ATF7IP: variants seen among roughly 807,000 people sequenced by gnomAD.
ATF7IP encodes the protein activating transcription factor 7-interacting protein 1.
ATF7IP carries 23 observed loss-of-function variants against 106.4 expected under a neutral mutation model. The ratio of observed to expected loss-of-function variants is 0.22; its 90% CI spans 0.16 to 0.31. The LOEUF is 0.31. Among genes scored for constraint, ATF7IP ranks in the 10% least tolerant of loss-of-function variants. The pLI, the probability that ATF7IP is intolerant of heterozygous loss-of-function variation, is 1.00. For synonymous variants in ATF7IP, 542 were observed against 539.0 expected, an observed-to-expected ratio of 1.01 and a Z score of -0.08; for missense variants, 1,334 against 1,524.3, an observed-to-expected ratio of 0.88 and a Z score of 2.08.
At chr12:14,495,012 A>T (rs1030542686) in intron 13 of ATF7IP, among the ~76,000 whole-genome samples, 1 of 152,136 alleles carries the variant, frequency 6.6e-6, no homozygotes, top group Non-Finnish European at 1.5e-5. Flanking sequence ...CTGAGTCCCA[A>T]AACTGAAGAA....
chr12:14,454,374 C>T (rs1432324122), intron 6 of ATF7IP, among the ~76,000 whole-genome samples: 7 of 152,162 alleles, frequency 4.6e-5, no homozygotes, highest in Non-Finnish European at 1.5e-5. Context: ...AGTTGAGGGT[C>T]CTGCCTTTGG....
chr12:14,404,099 A>G (rs954480004), intron 1 of ATF7IP, among the ~76,000 whole-genome samples: 1 of 150,678 alleles, frequency 6.6e-6, no homozygotes, highest in African/African-American at 2.4e-5. Context: ...CAGGAAGACA[A>G]TATGGGCATC....
chr12:14,393,327 T>A (rs1939673832), intron 1 of ATF7IP, among the ~76,000 whole-genome samples: 1 of 152,296 alleles, frequency 6.6e-6, no homozygotes, highest in South Asian at 2.1e-4. Flanking sequence ...TCTCAACTCA[T>A]ATTTTATGAT....
In ATF7IP at chr12:14,501,691, A is replaced by C. The variant is rs191728921; in HGVS notation, c.*3618A>C. ...TTTGCCTCACAGAGAGGTGTTCCCC[A>C]CTCCCATCCCCATTGCCAGATAATA... On this transcript the variant is annotated 3_prime_UTR_variant, in exon 15 of 15. Transcript: ENST00000261168. 1 of 152,156 alleles carries C rather than the reference A, an allele frequency of 6.6e-6. No homozygotes were observed. Among genetic ancestry groups the C allele is most frequent in the Admixed American group, 6.6e-5 (1 of 15,266 alleles). The allele number at this position is 152,156 out of a possible 1,614,324, so 9.4% of individuals were successfully genotyped here.
At chr12:14,492,914 C>T (rs1012194517) in intron 13 of ATF7IP, among the ~76,000 whole-genome samples, 1 of 152,164 alleles carries the variant, frequency 6.6e-6, no homozygotes, top group Non-Finnish European at 1.5e-5. Flanking sequence ...AAATCTGTTT[C>T]GCAAGGCATT....
intron 10 of ATF7IP, 99 bp from the exon 11 acceptor site, chr12:14,475,790 GT>G: frequency 1.2e-6 from 1 of 831,454 alleles, no homozygotes; most frequent in East Asian, 2.7e-5. Context: ...ATTGAACCAG[GT>G]TACTCATTAG....
chr12:14,424,644 A>T lies in ATF7IP; in HGVS notation c.729A>T (p.Ala243=). The part of the protein sequence containing the change: ...EITSVDLASG[A]PASTDPASDD... ...CTTCTGTTGATCTGGCTTCTGGAGC[A>T]CCAGCTTCCACTGATCCAGCCTCTG... is the stretch of plus-strand genomic sequence containing the variant. Residue 243 remains alanine (A), a synonymous_variant, in exon 2 of 15, where the codon GCA becomes GCT. Transcript: ENST00000261168. 1.2e-6 allele frequency: 2 copies of T among 1,613,408 alleles called. No individual in the cohort carries two copies. The highest frequency in any genetic ancestry group is 1.7e-6 in the Non-Finnish European group (2 of 1,179,856).
intron 3 of ATF7IP, 131 bp from the exon 4 acceptor site, chr12:14,435,975 A>C (rs1327095584): frequency 2.2e-6 from 2 of 899,254 alleles, no homozygotes; most frequent in East Asian, 2.9e-5. Flanking sequence ...TAAGATCTCC[A>C]AAACAGTTTA....
At chr12:14,400,568 G>T (rs1018495619) in intron 1 of ATF7IP, among the ~76,000 whole-genome samples, 7 of 151,644 alleles carry the variant, frequency 4.6e-5, no homozygotes, top group Admixed American at 6.6e-5. Context: ...ATTTCTCAGA[G>T]ATTTTTTTTT....
At chr12:14,421,601 G>T (rs977342722) in intron 1 of ATF7IP, among the ~76,000 whole-genome samples, 12 of 152,180 alleles carry the variant, frequency 7.9e-5, no homozygotes, top group Admixed American at 7.2e-4. Flanking sequence ...ATTGGATTAG[G>T]GCTCACTTTA....
At chr12:14,465,193 G>A (rs1943783718) in intron 9 of ATF7IP, among the ~76,000 whole-genome samples, 1 of 151,736 alleles carries the variant, frequency 6.6e-6, no homozygotes, top group Admixed American at 6.6e-5. Flanking sequence ...TCGCCTGGGT[G>A]ACAGCAAGAC....
intron 1 of ATF7IP, among the ~76,000 whole-genome samples, chr12:14,370,684 C>G (rs1216511446): frequency 6.6e-6 from 1 of 151,948 alleles, no homozygotes; most frequent in Non-Finnish European, 1.5e-5. Flanking sequence ...TTTGTGGTAT[C>G]TGTGACTTTT....
chr12:14,438,641 A>G (rs1431082515), intron 5 of ATF7IP, among the ~76,000 whole-genome samples: 3 of 152,148 alleles, frequency 2.0e-5, no homozygotes, highest in African/African-American at 4.8e-5. Flanking sequence ...TTATCTTTAC[A>G]TGGTGTTGTC....
chr12:14,490,609 C>T (rs888643060), intron 13 of ATF7IP, among the ~76,000 whole-genome samples: 6 of 152,034 alleles, frequency 3.9e-5, no homozygotes, highest in Non-Finnish European at 7.4e-5. Context: ...GCCGGTGGTG[C>T]CTGCATATGG....
intron 1 of ATF7IP, among the ~76,000 whole-genome samples, chr12:14,382,294 G>C (rs1185240330): frequency 6.6e-6 from 1 of 152,160 alleles, no homozygotes; most frequent in Non-Finnish European, 1.5e-5. Context: ...ATTAGAAATT[G>C]GTTGCAAGTG....
At chr12:14,469,601 C>G (rs1380990547) in intron 10 of ATF7IP, among the ~76,000 whole-genome samples, 1 of 151,706 alleles carries the variant, frequency 6.6e-6, no homozygotes, top group African/African-American at 2.4e-5. Context: ...CAAATTTATT[C>G]AAATTATCAA....
intron 6 of ATF7IP, among the ~76,000 whole-genome samples, chr12:14,453,698 C>A (rs1234281566): frequency 6.6e-6 from 1 of 151,970 alleles, no homozygotes; most frequent in Non-Finnish European, 1.5e-5. Context: ...AATCTCCACT[C>A]ACTGCAACCT....
chr12:14,491,567 C>G (rs187339265), intron 13 of ATF7IP, among the ~76,000 whole-genome samples: 5 of 152,268 alleles, frequency 3.3e-5, no homozygotes, highest in African/African-American at 1.2e-4. Context: ...TGGTATCTTG[C>G]AGGAGCAAAA....
intron 1 of ATF7IP, chr12:14,419,959 T>G (rs183370329): frequency 3.3e-5 from 5 of 152,238 alleles, no homozygotes; most frequent in African/African-American, 4.8e-5. Context: ...AGAAATTCTC[T>G]GACAAAGTGC....
Sources: gnomAD v4.1 joint callset for allele counts (sites outside exome capture counted in the v4.1 genomes callset) on GRCh38, gnomAD v4.1.1 for gene constraint, MANE v1.5 for transcripts, NCBI Gene and HGNC (gene_info 2026-07-23, HGNC 2026-07-21) for gene names.